The following SGCZ variants were observed in gnomAD, a reference collection of about 807,000 sequenced individuals.
The protein encoded by SGCZ is sarcoglycan zeta, also known as zeta-sarcoglycan.
Under a neutral mutation model 41.3 loss-of-function variants are expected in SGCZ, and 40 were observed. The observed-to-expected ratio is 0.97, with a 90% CI of 0.75 to 1.26. The LOEUF is 1.26. SGCZ is among the 50% of genes most tolerant of loss of function. SGCZ has a pLI of 0.00. For synonymous variants in SGCZ, 206 were observed against 137.5 expected (o/e 1.50, Z -3.49); for missense variants, 552 against 369.8 (o/e 1.49, Z -4.04).
intron 1 of SGCZ, among the ~76,000 whole-genome samples, chr8:15,028,599 C>T (rs77847010): frequency 0.01 from 1,527 of 152,168 alleles, 15 homozygotes; most frequent in Non-Finnish European, 0.016. Flanking sequence ...GATAAACTTG[C>T]TGGTTGCTTC....
At chr8:14,832,122 C>G (rs1802553797) in intron 1 of SGCZ, among the ~76,000 whole-genome samples, 1 of 152,098 alleles carries the variant, frequency 6.6e-6, no homozygotes, top group South Asian at 2.1e-4. Context: ...TCTTAAGTCA[C>G]TATTGAAGTG....
At chr8:14,506,582 G>A (rs1802311791) in intron 2 of SGCZ, among the ~76,000 whole-genome samples, 1 of 151,628 alleles carries the variant, frequency 6.6e-6, no homozygotes, top group Admixed American at 6.6e-5. Context: ...TCCCTTCACA[G>A]GCAAAAACCT....
chr8:14,211,648 C>A (rs1166654965), intron 4 of SGCZ, among the ~76,000 whole-genome samples: 2 of 140,428 alleles, frequency 1.4e-5, no homozygotes, highest in African/African-American at 6.0e-5. Flanking sequence ...CACAATTAAG[C>A]AGGAGAGAGA....
intron 1 of SGCZ, among the ~76,000 whole-genome samples, chr8:15,201,494 T>A (rs1474305384): frequency 6.6e-6 from 1 of 152,232 alleles, no homozygotes; most frequent in Admixed American, 6.5e-5. Context: ...TGGAGAAATT[T>A]AAGTCATCAG....
intron 5 of SGCZ, among the ~76,000 whole-genome samples, chr8:14,128,399 A>T (rs1194369202): frequency 1.3e-5 from 2 of 152,220 alleles, no homozygotes; most frequent in African/African-American, 4.8e-5. Flanking sequence ...AAACTTGAAA[A>T]TAACACATTG....
chr8:14,533,909 T>C (rs1803214103), intron 2 of SGCZ, among the ~76,000 whole-genome samples: 1 of 151,888 alleles, frequency 6.6e-6, no homozygotes, highest in South Asian at 2.1e-4. Context: ...TGAAAGCATG[T>C]TGGTAGAGCT....
chr8:14,289,629 C>T (rs1231794287), intron 3 of SGCZ, among the ~76,000 whole-genome samples: 2 of 151,922 alleles, frequency 1.3e-5, no homozygotes, highest in African/African-American at 4.8e-5. Flanking sequence ...GTCATGATAG[C>T]TTTGTATAGA....
rs1801530561 is a variant in SGCZ at position 14,086,664 on chromosome 8, T to C, written c.*3779A>G. ...TTATTTTCCTTTTTAACGTCAACCA[T>C]ATTACTGAATCCTGTTAACCAGGCA... is the stretch of plus-strand genomic sequence containing the variant. On this transcript the variant is annotated 3_prime_UTR_variant, in exon 8 of 8. Transcript: ENST00000382080. Among the ~76,000 whole-genome samples the C allele has an allele frequency of 6.6e-6, 1 of 151,718 alleles. No individual in the cohort carries two copies. Among genetic ancestry groups the C allele is most frequent in the African/African-American group, 2.4e-5 (1 of 41,394 alleles).
At chr8:14,385,712 A>C (rs994799233) in intron 2 of SGCZ, among the ~76,000 whole-genome samples, 2 of 152,228 alleles carry the variant, frequency 1.3e-5, no homozygotes, top group Non-Finnish European at 2.9e-5. Context: ...AAAGAAAGAA[A>C]AAAGAACAGA....
chr8:14,117,717 A>T (rs1266019064), intron 5 of SGCZ, among the ~76,000 whole-genome samples: 1 of 151,244 alleles, frequency 6.6e-6, no homozygotes, highest in South Asian at 2.1e-4. Flanking sequence ...TATTTCTCCT[A>T]ATGTTATCCC....
intron 1 of SGCZ, among the ~76,000 whole-genome samples, chr8:14,721,543 T>C (rs1283265720): frequency 6.6e-6 from 1 of 152,154 alleles, no homozygotes; most frequent in South Asian, 2.1e-4. Flanking sequence ...TAAATCCCAC[T>C]GGCCTTTAAA....
At chr8:14,612,977 T>A (rs1424628997) in intron 1 of SGCZ, among the ~76,000 whole-genome samples, 1 of 152,136 alleles carries the variant, frequency 6.6e-6, no homozygotes, top group East Asian at 1.9e-4. Context: ...TGAGCCACCA[T>A]GCCCAGGAAA....
chr8:15,146,284 G>T (rs773053784), intron 1 of SGCZ, among the ~76,000 whole-genome samples: 1 of 151,972 alleles, frequency 6.6e-6, no homozygotes, highest in Admixed American at 6.6e-5. Context: ...GATTTTCGTC[G>T]GAAAGGAATA....
At chr8:14,132,306 T>G (rs1328403996) in intron 5 of SGCZ, among the ~76,000 whole-genome samples, 1 of 152,212 alleles carries the variant, frequency 6.6e-6, no homozygotes, top group Non-Finnish European at 1.5e-5. Context: ...TATTTTTGAA[T>G]AAGTTTATTC....
rs186685350 is a variant in SGCZ at position 14,817,662 on chromosome 8, C to G, written c.40-262736G>C. Reference sequence around the variant, plus strand: ...GATGGAATTACCAAGATCTCAATGTCTGAACCCACATGGCACCACCCTCAT... The same window carrying G: ...GATGGAATTACCAAGATCTCAATGTGTGAACCCACATGGCACCACCCTCAT... On this transcript the variant is annotated intron_variant, in intron 1 of 7. Coordinates refer to ENST00000382080, the MANE Select transcript of SGCZ (RefSeq NM_139167.4). 4.1e-3 allele frequency among the ~76,000 whole-genome samples: 620 copies of G among 152,318 alleles called. 5 individuals are homozygous for G. Among genetic ancestry groups the G allele is most frequent in the South Asian group, 0.015 (73 of 4,820 alleles).
intron 1 of SGCZ, among the ~76,000 whole-genome samples, chr8:14,974,277 A>C (rs138184371): frequency 2.6e-5 from 4 of 152,202 alleles, no homozygotes; most frequent in African/African-American, 4.8e-5. Flanking sequence ...AAACAAAAAA[A>C]TTCTATTGTA....
intron 4 of SGCZ, among the ~76,000 whole-genome samples, chr8:14,174,223 A>C (rs1804475413): frequency 6.6e-6 from 1 of 152,154 alleles, no homozygotes; most frequent in Non-Finnish European, 1.5e-5. Flanking sequence ...TTTTAAAGAC[A>C]TACTATCAAA....
At chr8:15,145,914 G>A (rs1477227979) in intron 1 of SGCZ, among the ~76,000 whole-genome samples, 2 of 152,160 alleles carry the variant, frequency 1.3e-5, no homozygotes, top group Non-Finnish European at 2.9e-5. Flanking sequence ...GAATAAAAAT[G>A]AGTCAAGGGA....
At chr8:15,013,545 GTGATTCCTCCT>G (rs1414192717) in intron 1 of SGCZ, among the ~76,000 whole-genome samples, 1 of 151,790 alleles carries the variant, frequency 6.6e-6, no homozygotes, top group African/African-American at 2.4e-5. Flanking sequence ...TATTCCTTCA[GTGATTCCTCCT>G]CTATAGGTAT....
Sources: allele counts gnomAD v4.1 joint callset (sites outside exome capture counted in the v4.1 genomes callset), GRCh38; gene constraint gnomAD v4.1.1; transcripts MANE v1.5; gene names NCBI Gene and HGNC (gene_info 2026-07-23, HGNC 2026-07-21).